The following EXOC4 variants were observed in gnomAD, a reference collection of about 807,000 sequenced individuals.
The protein encoded by EXOC4 is SEC8-like 1.
A neutral mutation model predicts 107.2 loss-of-function variants in EXOC4; 71 were observed. The ratio of observed to expected loss-of-function variants is 0.66; its 90% CI spans 0.55 to 0.81. The LOEUF (loss-of-function observed/expected upper bound fraction) is 0.81. Ranked by LOEUF, EXOC4 falls within the 30% of genes least tolerant of loss-of-function variation. The pLI is 0.00. For synonymous variants in EXOC4, 456 were observed against 441.2 expected, an observed-to-expected ratio of 1.03 and a Z score of -0.42; for missense variants, 1,108 against 1,189.6, an observed-to-expected ratio of 0.93 and a Z score of 1.01.
chr7:133,382,331 G>A (rs1006477485), intron 7 of EXOC4, among the ~76,000 whole-genome samples: 4 of 152,200 alleles, frequency 2.6e-5, no homozygotes, highest in African/African-American at 9.6e-5. Flanking sequence ...TTTCCAGTAT[G>A]ACAGATATTT....
chr7:133,903,524 C>T (rs1398721541), intron 12 of EXOC4, among the ~76,000 whole-genome samples: 1 of 152,138 alleles, frequency 6.6e-6, no homozygotes, highest in Non-Finnish European at 1.5e-5. Context: ...TCAAAAATAA[C>T]TCTCAGGATT....
At chr7:133,588,663 C>T (rs748555039) in intron 9 of EXOC4, among the ~76,000 whole-genome samples, 5 of 151,930 alleles carry the variant, frequency 3.3e-5, no homozygotes, top group South Asian at 2.1e-4. Context: ...GAGGTGGTGG[C>T]GGGCAGATTA....
chr7:133,698,601 G>A (rs1169813287), intron 10 of EXOC4, among the ~76,000 whole-genome samples: 1 of 151,346 alleles, frequency 6.6e-6, no homozygotes, highest in Non-Finnish European at 1.5e-5. Flanking sequence ...TAGAAGATGC[G>A]ATGCATATAG....
chr7:133,944,773 T>G (rs1446011834), intron 14 of EXOC4, among the ~76,000 whole-genome samples: 4 of 152,178 alleles, frequency 2.6e-5, no homozygotes, highest in African/African-American at 7.2e-5. Context: ...TCTGAAAGAC[T>G]CTGTGGGAGG....
intron 9 of EXOC4, among the ~76,000 whole-genome samples, chr7:133,514,157 C>T (rs982473267): frequency 9.3e-5 from 14 of 151,014 alleles, no homozygotes; most frequent in Admixed American, 1.3e-4. Flanking sequence ...ATTGGAACAT[C>T]GTTTTTTGTT....
intron 7 of EXOC4, among the ~76,000 whole-genome samples, chr7:133,417,733 C>T (rs997906562): frequency 1.3e-5 from 2 of 152,140 alleles, no homozygotes; most frequent in South Asian, 2.1e-4. Context: ...TCTACCTCAT[C>T]AGTACCTTTA....
At chr7:133,688,896 G>A (rs1242678283) in intron 10 of EXOC4, among the ~76,000 whole-genome samples, 2 of 152,164 alleles carry the variant, frequency 1.3e-5, no homozygotes, top group Non-Finnish European at 2.9e-5. Context: ...TGCACATGCT[G>A]AATTTGTGCT....
At chr7:133,404,687 C>G (rs2150736643) in intron 7 of EXOC4, among the ~76,000 whole-genome samples, 1 of 152,126 alleles carries the variant, frequency 6.6e-6, no homozygotes, top group African/African-American at 2.4e-5. Flanking sequence ...GCACAGCTGT[C>G]TTACTGCCTG....
intron 7 of EXOC4, among the ~76,000 whole-genome samples, chr7:133,455,690 T>G (rs1000477237): frequency 2.6e-5 from 4 of 152,216 alleles, no homozygotes; most frequent in African/African-American, 9.6e-5. Flanking sequence ...GGTTGTCCAA[T>G]GAATAAGTGC....
chr7:133,780,384 A>C (rs962382209), intron 10 of EXOC4, among the ~76,000 whole-genome samples: 2 of 151,764 alleles, frequency 1.3e-5, no homozygotes, highest in Non-Finnish European at 2.9e-5. Context: ...TGTTTTTGTA[A>C]ATCCAGAAAA....
In EXOC4 at chr7:133,356,329, G is replaced by C. The variant is rs1250158976; in HGVS notation, c.764-1G>C. 4 of 1,613,244 alleles carry C rather than the reference G, an allele frequency of 2.5e-6. No individual in the cohort carries two copies. In the African/African-American group the frequency reaches 5.3e-5, roughly 22 times the overall value. ...ATTATTGTTATTATTTAATTTTTCA[G>C]TGAGGGAGATAAATCTGCAGGACAT... On this transcript the variant is annotated splice_acceptor_variant, in intron 5 of 17. Transcript: ENST00000253861. LOFTEE classifies it high-confidence loss of function.
intron 7 of EXOC4, among the ~76,000 whole-genome samples, chr7:133,402,881 AT>A (rs956173651): frequency 0.026 from 2,949 of 114,932 alleles, 29 homozygotes; most frequent in African/African-American, 0.04. Context: ...AGAGCCTAAT[AT>A]TTTTTTTTTT....
At chr7:133,718,068 A>G (rs183021722) in intron 10 of EXOC4, among the ~76,000 whole-genome samples, 1 of 152,278 alleles carries the variant, frequency 6.6e-6, no homozygotes, top group Non-Finnish European at 1.5e-5. Context: ...CTAAGTCTCC[A>G]TTCATCATGC....
chr7:133,375,566 C>T (rs537500503), intron 7 of EXOC4, among the ~76,000 whole-genome samples: 20 of 151,772 alleles, frequency 1.3e-4, no homozygotes, highest in African/African-American at 3.4e-4. Context: ...GGCTTTCTGT[C>T]GTAGTATACT....
Position 133,473,718 on chromosome 7 carries a change from T to A in EXOC4, c.1183-1610T>A, listed in dbSNP as rs550049846. Among the ~76,000 whole-genome samples the A allele has an allele frequency of 6.6e-5, 10 of 151,904 alleles. No homozygotes were observed. In the East Asian group the frequency reaches 1.4e-3, roughly 21 times the overall value. ...ATTACTGGGTCTTGTTTTTTTTTTT[T>A]AAAACGGAGCCTCACTCTGTCGCCC... On this transcript the variant is annotated intron_variant, in intron 7 of 17. Transcript: ENST00000253861.
chr7:133,653,551 T>C (rs921559846), intron 10 of EXOC4, among the ~76,000 whole-genome samples: 1 of 152,224 alleles, frequency 6.6e-6, no homozygotes, highest in Non-Finnish European at 1.5e-5. Flanking sequence ...GTAAATACCC[T>C]CTCTAATCTT....
intron 1 of EXOC4, among the ~76,000 whole-genome samples, chr7:133,265,298 C>A (rs865994148): frequency 2.0e-5 from 3 of 151,924 alleles, no homozygotes; most frequent in Non-Finnish European, 4.4e-5. Flanking sequence ...ATCAGGATAA[C>A]CCCTTCTCTA....
chr7:133,428,339 A>G (rs1405241816), intron 7 of EXOC4, among the ~76,000 whole-genome samples: 1 of 152,208 alleles, frequency 6.6e-6, no homozygotes, highest in Non-Finnish European at 1.5e-5. Context: ...GGACTTCTCA[A>G]TCAGAGAATT....
chr7:133,538,857 A>AAG (rs1554469398), intron 9 of EXOC4, among the ~76,000 whole-genome samples: 15,206 of 71,652 alleles, frequency 0.21, 1,519 homozygotes, highest in Non-Finnish European at 0.26. Context: ...GAAAGAAAGA[A>AAG]AGAGAGAGAG....
Sources: gnomAD v4.1 joint callset for allele counts (sites outside exome capture counted in the v4.1 genomes callset) on GRCh38, gnomAD v4.1.1 for gene constraint, MANE v1.5 for transcripts, NCBI Gene and HGNC (gene_info 2026-07-23, HGNC 2026-07-21) for gene names.